Variants in POLE2 observed in about 807,000 individuals in gnomAD.
POLE2 encodes the protein DNA polymerase epsilon subunit 2.
A neutral mutation model predicts 79.4 loss-of-function variants in POLE2; 56 were observed. That is an observed-to-expected ratio of 0.71 (90% CI 0.57 to 0.88). POLE2 has a LOEUF of 0.88. Among genes scored for constraint, POLE2 ranks in the 40% least tolerant of loss-of-function variants. POLE2 has a pLI of 0.00. For missense variants in POLE2, 598 were observed against 638.9 expected, an observed-to-expected ratio of 0.94 and a Z score of 0.69; for synonymous variants, 212 against 214.0, an observed-to-expected ratio of 0.99 and a Z score of 0.08.
intron 18 of POLE2, among the ~76,000 whole-genome samples, chr14:49,645,177 T>G (rs1164243960): frequency 6.6e-6 from 1 of 152,142 alleles, no homozygotes; most frequent in African/African-American, 2.4e-5. Context: ...CATTAATAAA[T>G]CTTGTCAAAT....
At chr14:49,658,093 T>A (rs529621122) in intron 10 of POLE2, among the ~76,000 whole-genome samples, 1 of 151,814 alleles carries the variant, frequency 6.6e-6, no homozygotes, top group African/African-American at 2.4e-5. Flanking sequence ...TTTTTTTCTT[T>A]TGAGACAGAG....
chr14:49,664,374 A>G (rs1001373664), intron 9 of POLE2, among the ~76,000 whole-genome samples: 82 of 151,592 alleles, frequency 5.4e-4, no homozygotes, highest in Non-Finnish European at 8.8e-4. Context: ...AAAAAAAAAA[A>G]GGGTGTGTAA....
intron 3 of POLE2, among the ~76,000 whole-genome samples, chr14:49,678,469 G>A (rs566668013): frequency 6.6e-6 from 1 of 152,246 alleles, no homozygotes; most frequent in East Asian, 1.9e-4. Context: ...GGGAGCAAGA[G>A]AATGTATAAA....
At chr14:49,669,950 A>C (rs1298431633) in intron 5 of POLE2, among the ~76,000 whole-genome samples, 2 of 152,172 alleles carry the variant, frequency 1.3e-5, no homozygotes, top group Non-Finnish European at 2.9e-5. Flanking sequence ...ACCCCAGGCC[A>C]AAGGGGCCAC....
Position 49,666,342 on chromosome 14 carries a change from C to G in POLE2, c.564G>C (p.Thr188=), listed in dbSNP as rs34281321. The change falls in exon 7 of 19, where the codon ACG becomes ACC. Residue 188 remains threonine (T), a synonymous_variant. Transcript: ENST00000216367. ...IGDAIVLGMI[T]QLKEGKFFLE... is the part of the protein sequence containing the mutation. ...CTTATTAAGTTACCTCTTTTAACTG[C>G]GTTATCATTCCAAGAACAATCGCAT... The G allele has an allele frequency of 1.3e-6, 2 of 1,526,896 alleles. No individual in the cohort carries two copies. The highest frequency in any genetic ancestry group is 1.8e-6 in the Non-Finnish European group (2 of 1,127,692). The allele number at this position is 1,526,896 out of a possible 1,614,324, so 94.6% of individuals were successfully genotyped here.
At chr14:49,677,751 C>T (rs1886389613) in intron 3 of POLE2, 3 of 1,334,290 alleles carry the variant, frequency 2.2e-6, no homozygotes, top group East Asian at 5.5e-5. Flanking sequence ...CCACAAAGCC[C>T]CACGCATTCT....
chr14:49,647,042 AG>A, intron 18 of POLE2: 1 of 309,964 alleles, frequency 3.2e-6, no homozygotes, highest in East Asian at 6.0e-5. Context: ...TAAGAGAACT[AG>A]CTCACCTCCA....
At chr14:49,665,780 T>C (rs1419763489) in intron 7 of POLE2, among the ~76,000 whole-genome samples, 2 of 151,918 alleles carry the variant, frequency 1.3e-5, no homozygotes, top group South Asian at 2.1e-4. Flanking sequence ...ACAGGCCCTA[T>C]GGAGAGAGAA....
intron 17 of POLE2, among the ~76,000 whole-genome samples, chr14:49,648,154 A>T (rs1410115831): frequency 6.6e-6 from 1 of 152,200 alleles, no homozygotes; most frequent in Non-Finnish European, 1.5e-5. Context: ...TCACACATAC[A>T]ATTGTTTGTC....
chr14:49,643,856 C>T (rs560510475), intron 18 of POLE2, among the ~76,000 whole-genome samples, 186 bp from the exon 19 acceptor site: 1 of 149,826 alleles, frequency 6.7e-6, no homozygotes, highest in African/African-American at 2.5e-5. Context: ...TTTTCTGCTC[C>T]CAAAAAGCAA....
chr14:49,669,813 T>C (rs1055125284), intron 5 of POLE2, among the ~76,000 whole-genome samples: 4 of 152,216 alleles, frequency 2.6e-5, no homozygotes, highest in Non-Finnish European at 4.4e-5. Context: ...TAAAGGTCTA[T>C]TGTGTGTATG....
chr14:49,671,618 G>GAAAA (rs71115391), intron 5 of POLE2, among the ~76,000 whole-genome samples: 21 of 58,608 alleles, frequency 3.6e-4, no homozygotes, highest in African/African-American at 6.9e-4. Context: ...CTCTGCCTCA[G>GAAAA]AAAAAAAAAA....
chr14:49,665,365 C>T (rs924711568), intron 7 of POLE2, among the ~76,000 whole-genome samples: 4 of 152,180 alleles, frequency 2.6e-5, no homozygotes, highest in Admixed American at 1.3e-4. Context: ...TGACTCCTCA[C>T]AGGTACAATG....
chr14:49,655,607 CA>C, intron 11 of POLE2, 63 bp downstream of exon 11: 1 of 1,099,496 alleles, frequency 9.1e-7, no homozygotes, highest in Non-Finnish European at 1.3e-6. Context: ...ATAGAATACT[CA>C]AAAAGTTTTA....
At chr14:49,675,354 G>A (rs925284038) in intron 3 of POLE2, among the ~76,000 whole-genome samples, 1 of 152,116 alleles carries the variant, frequency 6.6e-6, no homozygotes, top group Non-Finnish European at 1.5e-5. Context: ...AAAGTGCAGG[G>A]ATTACAGGCA....
At chr14:49,675,898 C>T (rs571693807) in intron 3 of POLE2, among the ~76,000 whole-genome samples, 15 of 152,286 alleles carry the variant, frequency 9.8e-5, no homozygotes, top group African/African-American at 3.4e-4. Context: ...GGATTACAGG[C>T]ACCCTCCACC....
chr14:49,667,064 T>C (rs935606560), intron 6 of POLE2, among the ~76,000 whole-genome samples: 14 of 151,944 alleles, frequency 9.2e-5, no homozygotes, highest in African/African-American at 3.4e-4. Flanking sequence ...GGCAGGCGCC[T>C]GTAGTCCCAG....
chr14:49,646,305 T>TG (rs1883763815), intron 18 of POLE2, among the ~76,000 whole-genome samples: 8 of 48,334 alleles, frequency 1.7e-4, no homozygotes, highest in Non-Finnish European at 3.6e-4. Context: ...TTTGTTGGTT[T>TG]TTTTTTTTTT....
intron 10 of POLE2, among the ~76,000 whole-genome samples, chr14:49,660,176 G>A (rs77103454): frequency 6.6e-6 from 1 of 152,158 alleles, no homozygotes; most frequent in Non-Finnish European, 1.5e-5. Context: ...GTTGCCTATA[G>A]TATTCAATAC....
Sources: allele counts gnomAD v4.1 joint callset (sites outside exome capture counted in the v4.1 genomes callset), GRCh38; gene constraint gnomAD v4.1.1; transcripts MANE v1.5; gene names NCBI Gene and HGNC (gene_info 2026-07-23, HGNC 2026-07-21).